The following C11orf65 variants were observed in gnomAD, a reference collection of about 807,000 sequenced individuals.
The protein encoded by C11orf65 is protein MFI.
In C11orf65, 38 loss-of-function variants were observed where a neutral mutation model predicts 35.3. The ratio of observed to expected loss-of-function variants is 1.08; its 90% CI spans 0.83 to 1.41. The LOEUF (loss-of-function observed/expected upper bound fraction) is 1.41, where lower values mean the gene tolerates loss of function less well. Ranked by LOEUF, C11orf65 falls within the 40% of genes most tolerant of loss-of-function variation. C11orf65 has a pLI of 0.00. For missense variants in C11orf65, 370 were observed against 367.1 expected (o/e 1.01, Z -0.06); for synonymous variants, 105 against 114.4 (o/e 0.92, Z 0.53).
At position 108,394,706 on chromosome 11, in the gene C11orf65, T is replaced by C. The variant is rs574179896; in HGVS notation, c.561-1328A>G. On this transcript the variant is annotated intron_variant, in intron 6 of 8. Transcript: ENST00000393084. ...CATTTATTAATTCAACACTCATTGATTAGGAAACAGCATAGTGGTGATATG... is the reference window on the plus strand; with the variant it reads ...CATTTATTAATTCAACACTCATTGACTAGGAAACAGCATAGTGGTGATATG... 1.3e-4 allele frequency among the ~76,000 whole-genome samples: 14 copies of C among 107,360 alleles called. No homozygotes were observed. The South Asian group carries it at 5.3e-3, about 41-fold the overall frequency. 70.4% of individuals were successfully genotyped at this position (107,360 alleles called of 152,430 possible). A position where few individuals can be genotyped will look rare whatever the true frequency, so the allele number is the denominator to read the frequency against.
At chr11:108,354,070 A>AACAGACAC (rs547465535) in intron 2 of C11orf65, among the ~76,000 whole-genome samples, 1 of 114,832 alleles carries the variant, frequency 8.7e-6, no homozygotes, top group African/African-American at 3.0e-5. Context: ...CACACACACA[A>AACAGACAC]ACACACACAC....
At chr11:108,458,906 A>G (rs78311928) in intron 2 of C11orf65, among the ~76,000 whole-genome samples, 45 of 151,568 alleles carry the variant, frequency 3.0e-4, no homozygotes, top group African/African-American at 3.4e-4. Context: ...ATTATGTGGG[A>G]AAAAAAAAGT....
chr11:108,325,571 C>T (rs776656803), intron 6 of C11orf65: 3 of 1,539,020 alleles, frequency 1.9e-6, no homozygotes, highest in African/African-American at 2.7e-5. Flanking sequence ...ACTATGTCAT[C>T]TTACCTCTTG....
At chr11:108,348,629 T>C (rs1284858170) in intron 2 of C11orf65, among the ~76,000 whole-genome samples, 1 of 151,794 alleles carries the variant, frequency 6.6e-6, no homozygotes, top group African/African-American at 2.4e-5. Flanking sequence ...TAAACAGTAT[T>C]AATCACTAGG....
intron 6 of C11orf65, among the ~76,000 whole-genome samples, chr11:108,324,443 A>G (rs1378602713): frequency 6.6e-6 from 1 of 152,146 alleles, no homozygotes; most frequent in Non-Finnish European, 1.5e-5. Flanking sequence ...CTAATATGAT[A>G]TCATATCTAA....
At chr11:108,466,943 C>T (rs1248408821) in intron 1 of C11orf65, among the ~76,000 whole-genome samples, 2 of 150,736 alleles carry the variant, frequency 1.3e-5, no homozygotes, top group Admixed American at 1.3e-4. Context: ...TTTCGCTTTT[C>T]CTTTTTACCT....
intron 3 of C11orf65, among the ~76,000 whole-genome samples, chr11:108,426,123 A>G (rs1265420881): frequency 6.6e-6 from 1 of 152,214 alleles, no homozygotes; most frequent in Non-Finnish European, 1.5e-5. Flanking sequence ...CTCCTTTTCA[A>G]CATAGTATTG....
At chr11:108,387,596 T>C (rs1416209554) in intron 7 of C11orf65, among the ~76,000 whole-genome samples, 1 of 152,010 alleles carries the variant, frequency 6.6e-6, no homozygotes, top group Non-Finnish European at 1.5e-5. Flanking sequence ...GGTGCCATCA[T>C]GGGTCACTGC....
At chr11:108,452,534 A>C (rs377067236) in intron 2 of C11orf65, among the ~76,000 whole-genome samples, 16,146 of 152,146 alleles carry the variant, frequency 0.11, 1,183 homozygotes, top group Non-Finnish European at 0.14. Context: ...AAATAGGAAC[A>C]CTTTTACACT....
intron 2 of C11orf65, among the ~76,000 whole-genome samples, chr11:108,377,492 G>A (rs2091761938): frequency 6.6e-6 from 1 of 152,014 alleles, no homozygotes; most frequent in Admixed American, 6.6e-5. Flanking sequence ...AAAATAATAA[G>A]AGCTATCTAT....
intron 2 of C11orf65, among the ~76,000 whole-genome samples, chr11:108,450,422 C>T (rs1366844064): frequency 1.3e-5 from 2 of 151,688 alleles, no homozygotes; most frequent in Admixed American, 6.6e-5. Context: ...GGCACATATA[C>T]ACCATGGAAT....
At chr11:108,326,862 G>A (rs1346517630), downstream of C11orf65, among the ~76,000 whole-genome samples, 1 of 152,084 alleles carries the variant, frequency 6.6e-6, no homozygotes, top group Non-Finnish European at 1.5e-5. Flanking sequence ...GTCTTGCTCT[G>A]TCACCCAGGC....
intron 7 of C11orf65, among the ~76,000 whole-genome samples, chr11:108,387,108 A>G (rs994448612): frequency 6.7e-6 from 1 of 149,920 alleles, no homozygotes; most frequent in Admixed American, 6.6e-5. Flanking sequence ...TTATCATGTA[A>G]TTCAGAAAAC....
upstream of C11orf65, among the ~76,000 whole-genome samples, chr11:108,467,772 C>T (rs2093557379): frequency 6.6e-6 from 1 of 152,142 alleles, no homozygotes; most frequent in Non-Finnish European, 1.5e-5. Flanking sequence ...CCAGTCATTT[C>T]AACCAAGAAC....
intron 3 of C11orf65, among the ~76,000 whole-genome samples, chr11:108,409,836 T>C (rs1351435782): frequency 2.0e-5 from 3 of 152,180 alleles, no homozygotes; most frequent in Non-Finnish European, 4.4e-5. Context: ...ATACGCCTTA[T>C]GAGAATCTAA....
At chr11:108,443,194 G>A (rs1249097366) in intron 2 of C11orf65, among the ~76,000 whole-genome samples, 2 of 150,982 alleles carry the variant, frequency 1.3e-5, no homozygotes, top group African/African-American at 2.4e-5. Context: ...TGATAAAACA[G>A]ACTTACACCA....
At chr11:108,337,269 T>G (rs2086952122) in intron 2 of C11orf65, among the ~76,000 whole-genome samples, 1 of 152,212 alleles carries the variant, frequency 6.6e-6, no homozygotes, top group Non-Finnish European at 1.5e-5. Flanking sequence ...CCTTCAAGTT[T>G]GTGAGAAATT....
downstream of C11orf65, among the ~76,000 whole-genome samples, chr11:108,328,584 A>G (rs554142531): frequency 6.6e-6 from 1 of 152,298 alleles, no homozygotes; most frequent in Non-Finnish European, 1.5e-5. Context: ...CTGTTTTTGC[A>G]GAGTTCTTTA....
At chr11:108,316,134 G>A (rs2084629751) in intron 6 of C11orf65, 1 of 1,603,394 alleles carries the variant, frequency 6.2e-7, no homozygotes, top group Non-Finnish European at 8.5e-7. Flanking sequence ...TCCCAGATTT[G>A]GTAAAGCCAT....
Sources: gnomAD v4.1 joint callset for allele counts (sites outside exome capture counted in the v4.1 genomes callset) on GRCh38, gnomAD v4.1.1 for gene constraint, MANE v1.5 for transcripts, NCBI Gene and HGNC (gene_info 2026-07-23, HGNC 2026-07-21) for gene names.